OPCML: variants seen among roughly 807,000 people sequenced by gnomAD.
OPCML encodes opioid binding protein/cell adhesion molecule like.
Under a neutral mutation model 37.8 loss-of-function variants are expected in OPCML, and 13 were observed. The observed-to-expected ratio is 0.34, with a 90% CI of 0.22 to 0.55. OPCML has a LOEUF of 0.55. Among genes scored for constraint, OPCML ranks in the 20% least tolerant of loss-of-function variants. The pLI, the probability that OPCML is intolerant of heterozygous loss-of-function variation, is 0.91. For synonymous variants in OPCML, 176 were observed against 168.8 expected (o/e 1.04, Z -0.33); for missense variants, 341 against 435.6 (o/e 0.78, Z 1.93).
At chr11:133,453,991 C>T (rs766557731) in intron 1 of OPCML, among the ~76,000 whole-genome samples, 3 of 152,174 alleles carry the variant, frequency 2.0e-5, no homozygotes, top group South Asian at 2.1e-4. Context: ...GCTGTAGTTT[C>T]ACACAAGAAC....
At chr11:132,741,526 A>G (rs745603985) in intron 2 of OPCML, among the ~76,000 whole-genome samples, 3 of 152,186 alleles carry the variant, frequency 2.0e-5, no homozygotes, top group Non-Finnish European at 4.4e-5. Flanking sequence ...GAGAATTGTT[A>G]TGAGAATTAA....
chr11:132,465,613 T>G (rs75841797), intron 4 of OPCML, among the ~76,000 whole-genome samples: 5,393 of 152,180 alleles, frequency 0.035, 281 homozygotes, highest in African/African-American at 0.12. Flanking sequence ...TTACAGATAT[T>G]ATGAATATTT....
intron 2 of OPCML, among the ~76,000 whole-genome samples, chr11:132,915,546 C>A (rs1435552254): frequency 2.6e-5 from 4 of 152,206 alleles, no homozygotes; most frequent in Non-Finnish European, 5.9e-5. Context: ...GCATTCAAAT[C>A]TCTAATTTGT....
chr11:132,735,735 G>A (rs1015637020), intron 2 of OPCML, among the ~76,000 whole-genome samples: 19 of 152,042 alleles, frequency 1.2e-4, no homozygotes, highest in African/African-American at 1.9e-4. Context: ...CGCCTGCCTC[G>A]GCCTCCCAAA....
Position 132,437,209 on chromosome 11 carries a change from C to T in OPCML, c.643+13G>A. 1 of 1,610,210 alleles carries T rather than the reference C, an allele frequency of 6.2e-7. No homozygotes were observed. The highest frequency in any genetic ancestry group is 1.1e-5 in the South Asian group (1 of 90,998). On this transcript the variant is annotated intron_variant, in intron 5 of 7. Coordinates refer to ENST00000524381, the MANE Select transcript of OPCML (RefSeq NM_001012393.5). Reference sequence around the variant, plus strand: ...TCTTTTCCCCAGAACCCCCTGGCTGCAGGTCCACTCACAGTTTACAGTGAT... The same window carrying T: ...TCTTTTCCCCAGAACCCCCTGGCTGTAGGTCCACTCACAGTTTACAGTGAT...
At chr11:133,037,009 C>T (rs184512249) in intron 1 of OPCML, among the ~76,000 whole-genome samples, 1 of 152,288 alleles carries the variant, frequency 6.6e-6, no homozygotes, top group East Asian at 1.9e-4. Context: ...CTGTTTCTCC[C>T]GGCCACCCTG....
chr11:133,236,561 A>C (rs1369741183), intron 1 of OPCML, among the ~76,000 whole-genome samples: 1 of 152,162 alleles, frequency 6.6e-6, no homozygotes, highest in Non-Finnish European at 1.5e-5. Flanking sequence ...TCTTAGAAGC[A>C]AAATTTATTC....
chr11:133,492,744 A>G (rs1405853326), intron 1 of OPCML, among the ~76,000 whole-genome samples: 1 of 151,810 alleles, frequency 6.6e-6, no homozygotes, highest in African/African-American at 2.4e-5. Context: ...TTCAGTGCCC[A>G]GTAAAATTTC....
intron 3 of OPCML, among the ~76,000 whole-genome samples, chr11:132,595,674 T>C (rs1165342350): frequency 1.3e-5 from 2 of 152,092 alleles, no homozygotes. Flanking sequence ...CAGAACAAAA[T>C]AGCAATTTCC....
intron 4 of OPCML, among the ~76,000 whole-genome samples, chr11:132,439,469 CT>C: frequency 6.6e-6 from 1 of 152,308 alleles, no homozygotes; most frequent in African/African-American, 2.4e-5. Flanking sequence ...ATGATCCAGG[CT>C]AGTTCATACA....
chr11:132,958,681 G>C (rs1243680125), intron 1 of OPCML, among the ~76,000 whole-genome samples: 1 of 152,178 alleles, frequency 6.6e-6, no homozygotes, highest in African/African-American at 2.4e-5. Context: ...AAATCCTAGG[G>C]CCCTTAAGAA....
chr11:133,046,171 A>G (rs1396068020), intron 1 of OPCML, among the ~76,000 whole-genome samples: 1 of 152,112 alleles, frequency 6.6e-6, no homozygotes, highest in Admixed American at 6.5e-5. Context: ...TTTTCAAGTG[A>G]CTTACCTAGA....
At chr11:132,906,771 A>C (rs990179889) in intron 2 of OPCML, among the ~76,000 whole-genome samples, 11 of 152,176 alleles carry the variant, frequency 7.2e-5, no homozygotes, top group African/African-American at 2.7e-4. Context: ...CTCTTTTATA[A>C]ACAACTTTGG....
chr11:132,974,149 A>G (rs942036486), intron 1 of OPCML, among the ~76,000 whole-genome samples: 1 of 152,254 alleles, frequency 6.6e-6, no homozygotes, highest in African/African-American at 2.4e-5. Context: ...TGCCTTTATT[A>G]TATTTCAGCC....
intron 1 of OPCML, among the ~76,000 whole-genome samples, chr11:133,464,545 A>G (rs1946932179): frequency 6.6e-6 from 1 of 152,168 alleles, no homozygotes; most frequent in Non-Finnish European, 1.5e-5. Context: ...AATATGAGGA[A>G]GGATCAGAAT....
intron 4 of OPCML, among the ~76,000 whole-genome samples, chr11:132,507,520 C>T (rs551808025): frequency 2.6e-5 from 4 of 151,734 alleles, no homozygotes; most frequent in South Asian, 2.1e-4. Context: ...TGACAACTAT[C>T]GAACAGTTAT....
intron 3 of OPCML, among the ~76,000 whole-genome samples, chr11:132,532,359 T>C (rs2096328141): frequency 6.6e-6 from 1 of 152,176 alleles, no homozygotes; most frequent in African/African-American, 2.4e-5. Flanking sequence ...GTGCAGAGGA[T>C]GAATTGGCAG....
intron 2 of OPCML, among the ~76,000 whole-genome samples, chr11:132,898,036 G>A (rs976355076): frequency 6.6e-6 from 1 of 152,130 alleles, no homozygotes; most frequent in African/African-American, 2.4e-5. Flanking sequence ...TTGCCCAGTG[G>A]GCTCAGGAAC....
Position 132,657,331 on chromosome 11 carries a change from C to A in OPCML, c.147-12G>T. 1 of 1,613,402 alleles carries A rather than the reference C, an allele frequency of 6.2e-7. No homozygotes were observed. Among genetic ancestry groups the A allele is most frequent in the Middle Eastern group, 1.7e-4 (1 of 6,054 alleles). On this transcript the variant is annotated splice_polypyrimidine_tract_variant and intron_variant, in intron 2 of 7. Transcript: ENST00000524381. ...CATCTATGGTACACCTGCAGTGAGG[C>A]AGGGAGTGGTGGAGGGAGGAAGAAG...
Sources: allele counts gnomAD v4.1 joint callset (sites outside exome capture counted in the v4.1 genomes callset), GRCh38; gene constraint gnomAD v4.1.1; transcripts MANE v1.5; gene names NCBI Gene and HGNC (gene_info 2026-07-23, HGNC 2026-07-21).